CLYBL: variants seen among roughly 807,000 people sequenced by gnomAD.
CLYBL encodes the protein citramalyl-CoA lyase.
Under a neutral mutation model 38.9 loss-of-function variants are expected in CLYBL, and 31 were observed. The observed-to-expected ratio is 0.80, with a 90% CI of 0.60 to 1.08. CLYBL has a LOEUF of 1.08. Ranked by LOEUF, CLYBL falls within the 50% of genes least tolerant of loss-of-function variation. The pLI is 0.00. For synonymous variants in CLYBL, 171 were observed against 158.6 expected, an observed-to-expected ratio of 1.08 and a Z score of -0.59; for missense variants, 434 against 411.6, an observed-to-expected ratio of 1.05 and a Z score of -0.47.
downstream of CLYBL, chr13:99,896,559 C>G (rs2052582333): frequency 6.6e-6 from 1 of 152,234 alleles, no homozygotes; most frequent in Non-Finnish European, 1.5e-5. Context: ...TGGTCGTGGT[C>G]TCCTTGACCG....
chr13:99,740,391 T>G (rs1044959043), intron 1 of CLYBL, among the ~76,000 whole-genome samples: 2 of 152,232 alleles, frequency 1.3e-5, no homozygotes, highest in Non-Finnish European at 1.5e-5. Flanking sequence ...CATCTTTCCT[T>G]AAGCACCCAC....
chr13:99,735,853 TAGAC>T lies in CLYBL; in HGVS notation c.63-36967_63-36964del, dbSNP rs1270407909. ...ACCTTTATCTTAGCATACTGTATCT[TAGAC>T]AGATACAGTATCCCTAATACACTGT... On this transcript the variant is annotated intron_variant, in intron 1 of 8. Coordinates refer to ENST00000339105, the MANE Select transcript of CLYBL (RefSeq NM_206808.5). Among the ~76,000 whole-genome samples the T allele has an allele frequency of 2.6e-5, 4 of 152,054 alleles. No individual in the cohort carries two copies. In the East Asian group the frequency reaches 7.7e-4, roughly 29 times the overall value.
chr13:99,751,044 G>C (rs2048947516), intron 1 of CLYBL, among the ~76,000 whole-genome samples: 1 of 152,152 alleles, frequency 6.6e-6, no homozygotes, highest in African/African-American at 2.4e-5. Context: ...ACACGTATTT[G>C]TACAGCCATG....
chr13:99,870,637 C>G (rs758416546), intron 6 of CLYBL, among the ~76,000 whole-genome samples: 1 of 152,180 alleles, frequency 6.6e-6, no homozygotes, highest in Non-Finnish European at 1.5e-5. Context: ...AGTTATTCAA[C>G]AAGCTGCCTA....
chr13:99,884,689 G>A (rs1594245588), intron 7 of CLYBL, among the ~76,000 whole-genome samples: 1 of 152,172 alleles, frequency 6.6e-6, no homozygotes, highest in African/African-American at 2.4e-5. Flanking sequence ...CCTGTGGCAC[G>A]CCAGGTATGC....
intron 1 of CLYBL, among the ~76,000 whole-genome samples, chr13:99,652,406 T>C (rs1242881024): frequency 6.6e-6 from 1 of 152,138 alleles, no homozygotes; most frequent in South Asian, 2.1e-4. Context: ...AGCAGGGAAG[T>C]TGTCCATTAA....
intron 1 of CLYBL, among the ~76,000 whole-genome samples, chr13:99,768,524 TTTTTAA>T: frequency 9.4e-5 from 1 of 10,610 alleles, no homozygotes; most frequent in African/African-American, 3.3e-4. Flanking sequence ...TTTTTTTTTT[TTTTTAA>T]AGACAGAATC....
chr13:99,725,205 T>C (rs993730636), intron 1 of CLYBL, among the ~76,000 whole-genome samples: 1 of 152,210 alleles, frequency 6.6e-6, no homozygotes, highest in African/African-American at 2.4e-5. Context: ...GAGCCCGCTC[T>C]CAGGTTGCTG....
chr13:99,843,408 A>C (rs552313536), intron 2 of CLYBL, among the ~76,000 whole-genome samples: 6 of 152,100 alleles, frequency 3.9e-5, no homozygotes, highest in Non-Finnish European at 8.8e-5. Context: ...TGCTATCTTC[A>C]TAGTTTCACA....
rs2152133262 is a variant in CLYBL, at chr13:99,892,428, A to G, written c.*25-15A>G. 1 of 152,712 alleles carries G rather than the reference A, an allele frequency of 6.5e-6. No homozygotes were observed. Among genetic ancestry groups the G allele is most frequent in the South Asian group, 2.1e-4 (1 of 4,822 alleles). The allele number at this position is 152,712 out of a possible 1,614,324, so 9.5% of individuals were successfully genotyped here. A position where few individuals can be genotyped will look rare whatever the true frequency, so the allele number is the denominator to read the frequency against. The stretch of plus-strand genomic sequence containing the variant: ...AGCCATTGTTCCCTATTCAGCATGT[A>G]CTCTTATATTGAAGGCTAAAGGGTA... On this transcript the variant is annotated splice_polypyrimidine_tract_variant and intron_variant, in intron 8 of 8. Coordinates refer to ENST00000339105, the MANE Select transcript of CLYBL (RefSeq NM_206808.5).
chr13:99,724,114 A>G (rs148116502), intron 1 of CLYBL, among the ~76,000 whole-genome samples: 1 of 152,242 alleles, frequency 6.6e-6, no homozygotes, highest in East Asian at 1.9e-4. Context: ...TTCATGCATG[A>G]GGGAACAGTT....
intron 2 of CLYBL, among the ~76,000 whole-genome samples, chr13:99,791,968 G>T (rs2049927069): frequency 6.6e-6 from 1 of 152,072 alleles, no homozygotes. Context: ...GGTAGACAAA[G>T]AAAAGACTCT....
At chr13:99,722,293 G>A (rs1052434804) in intron 1 of CLYBL, among the ~76,000 whole-genome samples, 1 of 152,150 alleles carries the variant, frequency 6.6e-6, no homozygotes, top group Non-Finnish European at 1.5e-5. Flanking sequence ...TTGTTTCAAG[G>A]GCTGACAGCC....
At position 99,712,394 on chromosome 13, in the gene CLYBL, G is replaced by A. The variant is rs1035545522; in HGVS notation, c.63-60430G>A. Among the ~76,000 whole-genome samples, 3 of 148,884 alleles carry A rather than the reference G, an allele frequency of 2.0e-5. No individual in the cohort carries two copies. In the South Asian group the frequency reaches 6.5e-4, roughly 32 times the overall value. On this transcript the variant is annotated intron_variant, in intron 1 of 8. Transcript: ENST00000339105. ...CTATAGCGCAGGCTAGAATGCAGTG[G>A]CGTGATCTCGGTTCACTGTGACCTC...
At chr13:99,765,166 A>G (rs891524570) in intron 1 of CLYBL, among the ~76,000 whole-genome samples, 4 of 151,830 alleles carry the variant, frequency 2.6e-5, no homozygotes, top group Non-Finnish European at 5.9e-5. Context: ...GGAAAAACAT[A>G]TTTGAAGGAT....
chr13:99,800,218 G>C (rs2050104366), intron 2 of CLYBL, among the ~76,000 whole-genome samples: 1 of 152,222 alleles, frequency 6.6e-6, no homozygotes, highest in Non-Finnish European at 1.5e-5. Flanking sequence ...ACCAGTCAGT[G>C]CACTGCATTC....
At chr13:99,634,120 C>G (rs561774174) in intron 1 of CLYBL, among the ~76,000 whole-genome samples, 3 of 152,124 alleles carry the variant, frequency 2.0e-5, no homozygotes, top group African/African-American at 7.2e-5. Context: ...CTGAAAGCTG[C>G]CTGAGAAAAA....
At chr13:99,878,714 C>T (rs1275359364) in intron 7 of CLYBL, among the ~76,000 whole-genome samples, 2 of 152,166 alleles carry the variant, frequency 1.3e-5, no homozygotes, top group East Asian at 1.9e-4. Flanking sequence ...AATGTGTTAA[C>T]TCCCTTAGAT....
intron 7 of CLYBL, among the ~76,000 whole-genome samples, chr13:99,890,053 T>G (rs2052448746): frequency 6.6e-6 from 1 of 152,216 alleles, no homozygotes; most frequent in South Asian, 2.1e-4. Flanking sequence ...AAGGAAGTGA[T>G]GAAAAGAACA....
Sources: allele counts gnomAD v4.1 joint callset (sites outside exome capture counted in the v4.1 genomes callset), GRCh38; gene constraint gnomAD v4.1.1; transcripts MANE v1.5; gene names NCBI Gene and HGNC (gene_info 2026-07-23, HGNC 2026-07-21).